Variants in GRIP1 observed in about 807,000 individuals in gnomAD.
GRIP1 encodes the protein glutamate receptor interacting protein 1.
Under a neutral mutation model 129.9 loss-of-function variants are expected in GRIP1, and 45 were observed. The ratio of observed to expected loss-of-function variants is 0.35; its 90% CI spans 0.27 to 0.44. GRIP1 has a LOEUF of 0.44. Among genes scored for constraint, GRIP1 ranks in the 20% least tolerant of loss-of-function variants. The pLI is 1.00. For synonymous variants in GRIP1, 530 were observed against 520.8 expected, an observed-to-expected ratio of 1.02 and a Z score of -0.24; for missense variants, 1,196 against 1,396.8, an observed-to-expected ratio of 0.86 and a Z score of 2.29.
At position 66,460,176 on chromosome 12, in the gene GRIP1, G is replaced by A. The variant is rs77998710; in HGVS notation, c.1042+2748C>T. On this transcript the variant is annotated intron_variant, in intron 9 of 24. Coordinates refer to ENST00000359742, the MANE Select transcript of GRIP1 (RefSeq NM_001366722.1). ...CTGGACACGTGATCCTAAAGTCCCC[G>A]CTTCAACCACCAGACATACCGCCTC... 6.1e-3 allele frequency among the ~76,000 whole-genome samples: 922 copies of A among 152,234 alleles called. 8 individuals are homozygous for A. Among genetic ancestry groups the A allele is most frequent in the African/African-American group, 0.021 (876 of 41,540 alleles).
chr12:66,817,534 C>T (rs1474931617), intron 1 of GRIP1, among the ~76,000 whole-genome samples: 3 of 152,028 alleles, frequency 2.0e-5, no homozygotes, highest in Admixed American at 2.0e-4. Flanking sequence ...CTCAGCCTCC[C>T]GAGTAGCTGG....
intron 1 of GRIP1, among the ~76,000 whole-genome samples, chr12:66,792,128 C>T (rs1188939441): frequency 3.3e-5 from 5 of 152,122 alleles, no homozygotes. Flanking sequence ...ACCAAATACG[C>T]TTAACAAAGC....
intron 1 of GRIP1, among the ~76,000 whole-genome samples, chr12:66,748,462 A>C (rs560956572): frequency 2.6e-5 from 4 of 152,128 alleles, no homozygotes; most frequent in Non-Finnish European, 5.9e-5. Flanking sequence ...CCCTAATCTC[A>C]CATGGTTCCC....
intron 1 of GRIP1, among the ~76,000 whole-genome samples, chr12:67,028,426 A>G (rs749650725): frequency 6.6e-6 from 1 of 152,220 alleles, no homozygotes; most frequent in African/African-American, 2.4e-5. Context: ...CATATTTTGG[A>G]TTGAATGGAT....
chr12:66,722,499 G>T (rs545823342), intron 1 of GRIP1, among the ~76,000 whole-genome samples: 7 of 152,216 alleles, frequency 4.6e-5, no homozygotes, highest in Admixed American at 4.6e-4. Context: ...ACTAACCACA[G>T]ATCACCATAA....
At chr12:67,027,691 A>G (rs995868090) in intron 1 of GRIP1, among the ~76,000 whole-genome samples, 2 of 152,210 alleles carry the variant, frequency 1.3e-5, no homozygotes, top group Admixed American at 6.5e-5. Context: ...GGAATTAACT[A>G]GAAAAGAGGG....
chr12:66,574,515 G>T (rs2063072152), intron 2 of GRIP1, among the ~76,000 whole-genome samples: 1 of 152,222 alleles, frequency 6.6e-6, no homozygotes, highest in African/African-American at 2.4e-5. Flanking sequence ...ATGTCTTGGA[G>T]ATCTTTTCAT....
intron 1 of GRIP1, among the ~76,000 whole-genome samples, chr12:66,611,090 A>T (rs2139878295): frequency 6.6e-6 from 1 of 152,314 alleles, no homozygotes; most frequent in Middle Eastern, 3.4e-3. Flanking sequence ...GAATACAATA[A>T]GGGTCAGATG....
Position 67,065,634 on chromosome 12 carries a change from A to C in GRIP1, c.58+3416T>G, listed in dbSNP as rs139322299. ...CCAAAAAGTATGTTTGCAGAAACAG[A>C]TAATCTTTCCAAGCATTATGGTTGA... On this transcript the variant is annotated intron_variant, in intron 1 of 1. Coordinates refer to the GRIP1 transcript ENST00000643019. Among the ~76,000 whole-genome samples, 941 of 152,362 alleles carry C rather than the reference A, an allele frequency of 6.2e-3. 11 individuals carry two copies. The highest frequency in any genetic ancestry group is 0.021 in the African/African-American group (853 of 41,588).
chr12:66,835,980 T>A, intron 1 of GRIP1, among the ~76,000 whole-genome samples: 1 of 152,098 alleles, frequency 6.6e-6, no homozygotes, highest in Admixed American at 6.5e-5. Flanking sequence ...AGGGAACATA[T>A]AAAAACTCTC....
upstream of GRIP1, among the ~76,000 whole-genome samples, chr12:66,807,401 C>T (rs1047906368): frequency 4.6e-5 from 7 of 152,142 alleles, no homozygotes; most frequent in East Asian, 1.9e-4. Context: ...TGGCCAGGCG[C>T]GGTGGCTCAC....
intron 5 of GRIP1, among the ~76,000 whole-genome samples, chr12:66,522,841 G>C (rs1372169429): frequency 2.6e-5 from 4 of 152,134 alleles, no homozygotes; most frequent in Admixed American, 2.6e-4. Context: ...TAAAGGAGCT[G>C]ATGGAGCTGA....
At chr12:66,364,717 C>T (rs1458174978) in intron 23 of GRIP1, among the ~76,000 whole-genome samples, 3 of 152,140 alleles carry the variant, frequency 2.0e-5, no homozygotes, top group Non-Finnish European at 4.4e-5. Flanking sequence ...TGGATCACTC[C>T]TTTCACATGA....
At chr12:66,724,515 T>C (rs2036191135) in intron 1 of GRIP1, among the ~76,000 whole-genome samples, 1 of 152,178 alleles carries the variant, frequency 6.6e-6, no homozygotes, top group African/African-American at 2.4e-5. Context: ...TTCAGCTGTG[T>C]TTACCCTAAA....
At chr12:66,814,624 A>G (rs2136962592) in intron 1 of GRIP1, among the ~76,000 whole-genome samples, 1 of 151,650 alleles carries the variant, frequency 6.6e-6, no homozygotes, top group African/African-American at 2.4e-5. Flanking sequence ...CCATGTCTTA[A>G]TGAAGCTTAC....
intron 1 of GRIP1, among the ~76,000 whole-genome samples, chr12:66,770,540 C>T (rs1180972747): frequency 3.3e-5 from 5 of 152,062 alleles, no homozygotes; most frequent in East Asian, 1.9e-4. Flanking sequence ...AGCAAGCTGA[C>T]GGTCACCGCT....
intron 1 of GRIP1, among the ~76,000 whole-genome samples, chr12:66,953,986 C>T (rs995039835): frequency 6.6e-6 from 1 of 152,160 alleles, no homozygotes; most frequent in African/African-American, 2.4e-5. Flanking sequence ...AAAATATTGC[C>T]AAAACCCATC....
intron 1 of GRIP1, 90 bp downstream of exon 1, chr12:66,678,760 G>T: frequency 8.5e-7 from 1 of 1,171,522 alleles, no homozygotes; most frequent in Non-Finnish European, 1.3e-6. Flanking sequence ...AATTGCAAAG[G>T]CAGTCATATT....
Position 66,500,261 on chromosome 12 carries a change from G to T in GRIP1, c.724+15358C>A, listed in dbSNP as rs57437170. ...AGAACGGTCACACATCCAGTAAGTT[G>T]CAGAGCCAGGAAACAAATCTGAGTC... On this transcript the variant is annotated intron_variant, in intron 7 of 24. Transcript: ENST00000359742. Among the ~76,000 whole-genome samples the T allele has an allele frequency of 2.1e-3, 322 of 152,288 alleles. 4 individuals are homozygous for T. Among genetic ancestry groups the T allele is most frequent in the African/African-American group, 6.6e-3 (275 of 41,552 alleles).
Sources: gnomAD v4.1 joint callset for allele counts (sites outside exome capture counted in the v4.1 genomes callset) on GRCh38, gnomAD v4.1.1 for gene constraint, MANE v1.5 for transcripts, NCBI Gene and HGNC (gene_info 2026-07-23, HGNC 2026-07-21) for gene names.